The following VOPP1 variants were observed in gnomAD, a reference collection of about 807,000 sequenced individuals.
The protein encoded by VOPP1 is VOPP1 WW domain binding protein, also known as WW domain binding protein VOPP1.
A neutral mutation model predicts 23.5 loss-of-function variants in VOPP1; 8 were observed. That is an observed-to-expected ratio of 0.34 (90% CI 0.20 to 0.61). VOPP1 has a LOEUF of 0.61. Among genes scored for constraint, VOPP1 ranks in the 20% least tolerant of loss-of-function variants. The probability of loss-of-function intolerance (pLI) is 0.78; values close to 1 mark genes in which losing one functional copy is unlikely to be tolerated. For synonymous variants in VOPP1, 83 were observed against 97.3 expected, an observed-to-expected ratio of 0.85 and a Z score of 0.86; for missense variants, 174 against 238.1, an observed-to-expected ratio of 0.73 and a Z score of 1.77.
chr7:55,542,342 C>G (rs913286071), intron 1 of VOPP1, among the ~76,000 whole-genome samples: 5 of 152,158 alleles, frequency 3.3e-5, no homozygotes, highest in African/African-American at 9.7e-5. Context: ...TACTGTGCTA[C>G]CGAACACCAC....
chr7:55,462,651 T>C lies in VOPP1; in HGVS notation n.418-26477A>G, dbSNP rs190758141. Reference sequence around the variant, plus strand: ...TCTAGTCTATTGTTGAAACTCTTGATTATATTTTTTTTTTTTTTTTTTGAG... The same window carrying C: ...TCTAGTCTATTGTTGAAACTCTTGACTATATTTTTTTTTTTTTTTTTTGAG... On this transcript the variant is annotated intron_variant and non_coding_transcript_variant, in intron 4 of 4. Transcript: ENST00000462326. Among the ~76,000 whole-genome samples, 188 of 143,876 alleles carry C rather than the reference T, an allele frequency of 1.3e-3. 3 individuals are homozygous for C. The highest frequency in any genetic ancestry group is 2.3e-3 in the Non-Finnish European group (150 of 66,448). The allele number at this position is 143,876 out of a possible 152,430, so 94.4% of individuals were successfully genotyped here. A position where few individuals can be genotyped will look rare whatever the true frequency, so the allele number is the denominator to read the frequency against.
intron 1 of VOPP1, among the ~76,000 whole-genome samples, chr7:55,551,967 G>A (rs542805254): frequency 2.7e-4 from 41 of 150,190 alleles, no homozygotes; most frequent in Non-Finnish European, 5.5e-4. Flanking sequence ...TTGAACCTAG[G>A]AGGCAGAGGT....
chr7:55,569,871 T>C (rs1258930297), intron 1 of VOPP1, among the ~76,000 whole-genome samples: 1 of 152,122 alleles, frequency 6.6e-6, no homozygotes, highest in Non-Finnish European at 1.5e-5. Flanking sequence ...TGGTGCTAGA[T>C]AGGGCCAGGG....
rs1009708811 is a variant in VOPP1, at chr7:55,471,357, C to T, written c.*1498G>A. The T allele has an allele frequency of 2.6e-5, 4 of 151,780 alleles. No homozygotes were observed. Among genetic ancestry groups the T allele is most frequent in the South Asian group, 2.1e-4 (1 of 4,778 alleles). The allele number at this position is 151,780 out of a possible 1,614,324, so 9.4% of individuals were successfully genotyped here. A position where few individuals can be genotyped will look rare whatever the true frequency, so the allele number is the denominator to read the frequency against. On this transcript the variant is annotated 3_prime_UTR_variant, in exon 5 of 5. Transcript: ENST00000285279. ...CCACAAAATTCCCCAGGAGGTTCTC[C>T]GATTAAATGTCCTCAGAGTGAAAAG...
chr7:55,462,560 G>C (rs978881983), intron 4 of VOPP1, among the ~76,000 whole-genome samples: 1 of 151,258 alleles, frequency 6.6e-6, no homozygotes, highest in African/African-American at 2.4e-5. Flanking sequence ...TTCTTTTTTT[G>C]GGGGGTTGGA....
At chr7:55,484,437 C>T (rs575752458) in intron 4 of VOPP1, among the ~76,000 whole-genome samples, 5 of 152,158 alleles carry the variant, frequency 3.3e-5, no homozygotes, top group Admixed American at 2.6e-4. Flanking sequence ...AACCTACAGT[C>T]GCTGGGGGGT....
At chr7:55,448,419 T>C (rs1791154455) in intron 4 of VOPP1, among the ~76,000 whole-genome samples, 1 of 152,238 alleles carries the variant, frequency 6.6e-6, no homozygotes, top group Non-Finnish European at 1.5e-5. Context: ...ACCTCATTTC[T>C]ATTTCTGAAG....
chr7:55,484,542 G>A (rs1403827060), intron 4 of VOPP1, among the ~76,000 whole-genome samples: 1 of 152,192 alleles, frequency 6.6e-6, no homozygotes, highest in Non-Finnish European at 1.5e-5. Context: ...GTGGAGTAAG[G>A]AGATTATTCG....
chr7:55,467,816 C>G (rs765356802), downstream of VOPP1, among the ~76,000 whole-genome samples: 1 of 152,308 alleles, frequency 6.6e-6, no homozygotes. Flanking sequence ...TGACGAGGGT[C>G]GTGAATGAGA....
chr7:55,509,004 C>T (rs955401681), intron 2 of VOPP1, among the ~76,000 whole-genome samples: 11 of 152,212 alleles, frequency 7.2e-5, no homozygotes, highest in African/African-American at 2.7e-4. Context: ...TACTGCACCA[C>T]TGTGTTCCAG....
intron 1 of VOPP1, among the ~76,000 whole-genome samples, chr7:55,548,733 C>G (rs1562620697): frequency 6.6e-6 from 1 of 152,224 alleles, no homozygotes; most frequent in Non-Finnish European, 1.5e-5. Flanking sequence ...TACCACATTC[C>G]TCTTGGCCCA....
downstream of VOPP1, among the ~76,000 whole-genome samples, chr7:55,468,811 G>A (rs1482162064): frequency 6.6e-6 from 1 of 152,202 alleles, no homozygotes; most frequent in Non-Finnish European, 1.5e-5. Context: ...GGAAGATAAT[G>A]TTTTCCTGCA....
chr7:55,446,282 C>T lies in VOPP1; in HGVS notation n.418-10108G>A, dbSNP rs112340603. Among the ~76,000 whole-genome samples, 91 of 152,224 alleles carry T rather than the reference C, an allele frequency of 6.0e-4. 1 individual carries two copies. The highest frequency in any genetic ancestry group is 3.3e-3 in the East Asian group (17 of 5,172). Reference sequence around the variant, plus strand: ...TGCTGGGATTACAGGCGTGAGCCACCGCGCCCGGCCGAGGTGATACATTTT... The same window carrying T: ...TGCTGGGATTACAGGCGTGAGCCACTGCGCCCGGCCGAGGTGATACATTTT... On this transcript the variant is annotated intron_variant and non_coding_transcript_variant, in intron 4 of 4. Coordinates refer to the VOPP1 transcript ENST00000462326.
At chr7:55,480,849 G>C (rs1196502803) in intron 4 of VOPP1, among the ~76,000 whole-genome samples, 1 of 152,210 alleles carries the variant, frequency 6.6e-6, no homozygotes, top group African/African-American at 2.4e-5. Flanking sequence ...TCTGGGCACT[G>C]AGGATGTAAC....
chr7:55,449,416 T>C (rs1791185016), intron 4 of VOPP1, among the ~76,000 whole-genome samples: 1 of 152,130 alleles, frequency 6.6e-6, no homozygotes, highest in Admixed American at 6.5e-5. Context: ...TCCACCTGCG[T>C]CTGCCATCGC....
At chr7:55,514,024 G>C (rs1470944490) in intron 2 of VOPP1, among the ~76,000 whole-genome samples, 1 of 152,176 alleles carries the variant, frequency 6.6e-6, no homozygotes, top group African/African-American at 2.4e-5. Context: ...ACAAGATCTG[G>C]TCCAGTGAAG....
chr7:55,492,247 TG>T (rs1793625231), intron 4 of VOPP1, 34 bp downstream of exon 4: 2 of 1,586,478 alleles, frequency 1.3e-6, no homozygotes, highest in Non-Finnish European at 1.7e-6. Flanking sequence ...CGACACACAC[TG>T]TGGGGAGGAG....
chr7:55,572,181 G>C, intron 1 of VOPP1, 90 bp downstream of exon 1: 1 of 1,100,516 alleles, frequency 9.1e-7, no homozygotes, highest in Non-Finnish European at 1.3e-6. Flanking sequence ...TCCCAGGCAA[G>C]GTCCTCTGGG....
intron 4 of VOPP1, among the ~76,000 whole-genome samples, chr7:55,463,021 T>A (rs1298072032): frequency 6.6e-6 from 1 of 152,198 alleles, no homozygotes; most frequent in Non-Finnish European, 1.5e-5. Context: ...AGATCATAAG[T>A]TGTTTTTCTG....
Sources: gnomAD v4.1 joint callset for allele counts (sites outside exome capture counted in the v4.1 genomes callset) on GRCh38, gnomAD v4.1.1 for gene constraint, MANE v1.5 for transcripts, NCBI Gene and HGNC (gene_info 2026-07-23, HGNC 2026-07-21) for gene names.